INSR: variants seen among roughly 807,000 people sequenced by gnomAD.
INSR encodes the protein IR.
A neutral mutation model predicts 142.6 loss-of-function variants in INSR; 67 were observed. The observed-to-expected ratio is 0.47, with a 90% CI of 0.39 to 0.58. The LOEUF is 0.58. Among genes scored for constraint, INSR ranks in the 20% least tolerant of loss-of-function variants. INSR has a pLI of 0.00. For synonymous variants in INSR, 756 were observed against 743.1 expected, an observed-to-expected ratio of 1.02 and a Z score of -0.28; for missense variants, 1,248 against 1,833.2, an observed-to-expected ratio of 0.68 and a Z score of 5.83.
intron 2 of INSR, among the ~76,000 whole-genome samples, chr19:7,243,234 GTTTTTTTT>G (rs1161289283): frequency 6.2e-4 from 42 of 68,212 alleles, no homozygotes; most frequent in South Asian, 4.2e-3. Flanking sequence ...CACTGTTTTG[GTTTTTTTT>G]TTTTTTTTTT....
At chr19:7,155,430 T>C (rs963055411) in intron 9 of INSR, among the ~76,000 whole-genome samples, 1 of 150,300 alleles carries the variant, frequency 6.7e-6, no homozygotes, top group African/African-American at 2.5e-5. Flanking sequence ...CCCAGCTACT[T>C]GGGAGGCTGA....
At chr19:7,197,432 G>A (rs947016141) in intron 2 of INSR, among the ~76,000 whole-genome samples, 40 of 152,292 alleles carry the variant, frequency 2.6e-4, no homozygotes, top group Non-Finnish European at 5.9e-5. Flanking sequence ...TACTGCGCAC[G>A]CAGAGGCCCG....
intron 3 of INSR, among the ~76,000 whole-genome samples, chr19:7,181,086 G>A (rs1021838580): frequency 4.6e-5 from 7 of 151,394 alleles, no homozygotes; most frequent in East Asian, 2.0e-4. Flanking sequence ...GATTACAGGC[G>A]CCCACTGTAA....
Position 7,168,364 on chromosome 19 carries a change from C to T in INSR, c.1484-270G>A, listed in dbSNP as rs1018451300. Among the ~76,000 whole-genome samples, 2 of 152,136 alleles carry T rather than the reference C, an allele frequency of 1.3e-5. No individual in the cohort carries two copies. The highest frequency in any genetic ancestry group is 2.4e-5 in the African/African-American group (1 of 41,420). On this transcript the variant is annotated intron_variant, in intron 6 of 21. Coordinates refer to ENST00000302850, the MANE Select transcript of INSR (RefSeq NM_000208.4). The surrounding 1 kb of genome is among the most constrained non-coding windows in gnomAD (Gnocchi z 4.3). ...CAACTGAATAAGCGCAGTCTGTACC[C>T]GCGCAAGAAGGACAACCGGCCAATA...
At position 7,142,010 on chromosome 19, in the gene INSR, CT is replaced by C. The variant is rs796795268; in HGVS notation, c.2543-195del. ...TAAATGGGTTACTTTCTGCGTATAA[CT>C]TTTTTTTTTTTTTGAGACAGAGTCT... On this transcript the variant is annotated intron_variant, in intron 12 of 21. Transcript: ENST00000302850. Among the ~76,000 whole-genome samples, 954 of 145,518 alleles carry C rather than the reference CT, an allele frequency of 6.6e-3. 7 individuals are homozygous for C. The highest frequency in any genetic ancestry group is 0.017 in the African/African-American group (660 of 39,960).
At chr19:7,252,958 C>A (rs1976774363) in intron 2 of INSR, among the ~76,000 whole-genome samples, 1 of 151,862 alleles carries the variant, frequency 6.6e-6, no homozygotes, top group Non-Finnish European at 1.5e-5. Context: ...TACTAAAATA[C>A]AAAAAAATTA....
chr19:7,120,846 G>T, intron 19 of INSR, 97 bp from the exon 20 acceptor site: 1 of 1,516,500 alleles, frequency 6.6e-7, no homozygotes, highest in Non-Finnish European at 9.1e-7. Context: ...CCTAAGAGGG[G>T]TTCACCTGGC....
At chr19:7,187,674 G>T (rs1974465685) in intron 2 of INSR, among the ~76,000 whole-genome samples, 1 of 152,094 alleles carries the variant, frequency 6.6e-6, no homozygotes, top group Non-Finnish European at 1.5e-5. Context: ...CTGGGCTCAG[G>T]TGATCCTCCC....
chr19:7,164,874 G>A (rs542740586), intron 8 of INSR, among the ~76,000 whole-genome samples: 2 of 143,372 alleles, frequency 1.4e-5, no homozygotes, highest in South Asian at 2.2e-4. Flanking sequence ...GCTTATGCCT[G>A]TAATCCCAGC....
chr19:7,249,778 G>A (rs1331471775), intron 2 of INSR, among the ~76,000 whole-genome samples: 1 of 152,122 alleles, frequency 6.6e-6, no homozygotes, highest in Non-Finnish European at 1.5e-5. Context: ...GGATCACGAG[G>A]TCAGGAGATC....
Position 7,119,838 on chromosome 19 carries a change from A to C in INSR, c.3660-255T>G, listed in dbSNP as rs1049124970. Among the ~76,000 whole-genome samples the C allele has an allele frequency of 3.1e-5, 3 of 98,286 alleles. No individual in the cohort carries two copies. Among genetic ancestry groups the C allele is most frequent in the African/African-American group, 6.8e-5 (2 of 29,264 alleles). The allele number at this position is 98,286 out of a possible 152,430, so 64.5% of individuals were successfully genotyped here. On this transcript the variant is annotated intron_variant, in intron 20 of 21. Coordinates refer to ENST00000302850, the MANE Select transcript of INSR (RefSeq NM_000208.4). The surrounding 1 kb of genome is among the most constrained non-coding windows in gnomAD (Gnocchi z 5.2). ...CACATATACACACACAAACACACAC[A>C]CCCAAACACACACACGCACACACAT... is the stretch of plus-strand genomic sequence containing the variant.
chr19:7,275,143 T>C (rs1968028064), intron 1 of INSR, among the ~76,000 whole-genome samples: 1 of 151,848 alleles, frequency 6.6e-6, no homozygotes, highest in South Asian at 2.1e-4. Flanking sequence ...ATCCAGATAA[T>C]TTTGTATTTT....
intron 2 of INSR, among the ~76,000 whole-genome samples, chr19:7,249,969 G>C (rs1391924707): frequency 6.6e-6 from 1 of 151,494 alleles, no homozygotes; most frequent in African/African-American, 2.4e-5. Context: ...TCCAACCTGG[G>C]CAACAGAGCC....
chr19:7,235,923 T>C (rs1251446293), intron 2 of INSR, among the ~76,000 whole-genome samples: 1 of 150,818 alleles, frequency 6.6e-6, no homozygotes, highest in African/African-American at 2.4e-5. Context: ...ACATTGCTGG[T>C]GGAAATATAA....
chr19:7,170,781 T>A, intron 5 of INSR, 30 bp from the exon 6 acceptor site: 1 of 1,545,282 alleles, frequency 6.5e-7, no homozygotes, highest in Non-Finnish European at 8.9e-7. Context: ...ATCTAGTCAT[T>A]CAACGGCTGG....
chr19:7,230,973 G>A (rs1015646932), intron 2 of INSR, among the ~76,000 whole-genome samples: 5 of 152,212 alleles, frequency 3.3e-5, no homozygotes, highest in African/African-American at 9.6e-5. Context: ...GTGCCAAGGA[G>A]GCGCGTGTCT....
At chr19:7,243,114 A>G (rs1475206732) in intron 2 of INSR, among the ~76,000 whole-genome samples, 1 of 152,126 alleles carries the variant, frequency 6.6e-6, no homozygotes, top group Admixed American at 6.6e-5. Context: ...ATTTCCAATG[A>G]AAACTTTTGC....
At chr19:7,243,878 A>T (rs1468616926) in intron 2 of INSR, among the ~76,000 whole-genome samples, 1 of 152,234 alleles carries the variant, frequency 6.6e-6, no homozygotes. Flanking sequence ...TCTATTAAAC[A>T]TAGATGTCGG....
At chr19:7,231,204 G>T (rs1365978095) in intron 2 of INSR, among the ~76,000 whole-genome samples, 1 of 152,200 alleles carries the variant, frequency 6.6e-6, no homozygotes, top group East Asian at 1.9e-4. Flanking sequence ...CAAAGAGGGG[G>T]GAAGAATTAA....
Sources: gnomAD v4.1 joint callset for allele counts (sites outside exome capture counted in the v4.1 genomes callset) on GRCh38, gnomAD v4.1.1 for gene constraint, Gnocchi (gnomAD v3.1) non-coding constraint, MANE v1.5 for transcripts, NCBI Gene and HGNC (gene_info 2026-07-23, HGNC 2026-07-21) for gene names.